The following PAPLN variants were observed in gnomAD, a reference collection of about 807,000 sequenced individuals.
PAPLN encodes papilin.
Under a neutral mutation model 159.0 loss-of-function variants are expected in PAPLN, and 146 were observed. The observed-to-expected ratio is 0.92, with a 90% CI of 0.80 to 1.05. The LOEUF (loss-of-function observed/expected upper bound fraction) is 1.05. Among genes scored for constraint, PAPLN ranks in the 50% least tolerant of loss-of-function variants. The pLI, the probability that PAPLN is intolerant of heterozygous loss-of-function variation, is 0.00. For synonymous variants in PAPLN, 734 were observed against 702.9 expected (o/e 1.04, Z -0.70); for missense variants, 1,720 against 1,743.9 (o/e 0.99, Z 0.24).
At chr14:73,251,993 C>T in intron 9 of PAPLN, 25 bp from the exon 10 acceptor site, 1 of 1,590,744 alleles carries the variant, frequency 6.3e-7, no homozygotes, top group African/African-American at 1.3e-5. Context: ...AGCAGCAGAC[C>T]CCAACAAGGA....
rs1304719963 is a variant in PAPLN at position 73,244,731 on chromosome 14, T to C, written c.142T>C (p.Phe48Leu). The C allele has an allele frequency of 6.3e-7, 1 of 1,583,216 alleles. No homozygotes were observed. The highest frequency in any genetic ancestry group is 2.3e-5 in the East Asian group (1 of 43,276). ...CSRTCGGGVS[F>L]RERPCYSQRR... is the part of the protein sequence containing the mutation. ...CCGGACCTGTGGAGGGGGTGTCAGC[T>C]TCCGGGAGCGCCCCTGCTACTCCCA... Residue 48 changes from phenylalanine to leucine, a missense_variant, in exon 3 of 27, where the codon TTC becomes CTC. By Grantham distance (22) the Phe-to-Leu change is conservative (BLOSUM62 0). Transcript: ENST00000644200.
At chr14:73,243,133 C>G (rs189492531) in intron 2 of PAPLN, 1 of 152,344 alleles carries the variant, frequency 6.6e-6, no homozygotes, top group East Asian at 1.9e-4. Flanking sequence ...GCTGGGATTA[C>G]GGGCACCCGC....
Position 73,259,337 on chromosome 14 carries a change from G to A in PAPLN, c.1777G>A (p.Gly593Ser). The stretch of plus-strand genomic sequence containing the variant: ...CAGGGGTGACCACAGGGGAGAACGA[G>A]GTGACCCCAGGGGCGACCAAGGCAC... ...SARGDHRGER[G>S]DPRGDQGTHL... is the part of the protein sequence containing the mutation. Residue 593 changes from glycine to serine, a missense_variant, in exon 16 of 27, where the codon GGT becomes AGT. Physicochemically the swap from Gly to Ser is moderately conservative, Grantham distance 56. Coordinates refer to ENST00000644200, the MANE Select transcript of PAPLN (RefSeq NM_001365906.3). The A allele has an allele frequency of 6.2e-7, 1 of 1,609,736 alleles. No homozygotes were observed. The highest frequency in any genetic ancestry group is 1.1e-5 in the South Asian group (1 of 90,438).
intron 26 of PAPLN, among the ~76,000 whole-genome samples, chr14:73,270,098 CGGGA>C (rs1173312695): frequency 6.6e-6 from 1 of 152,202 alleles, no homozygotes; most frequent in Non-Finnish European, 1.5e-5. Context: ...GCTCGGCGAG[CGGGA>C]GGGAGGGTTA....
intron 17 of PAPLN, 49 bp from the exon 18 acceptor site, chr14:73,261,107 C>T (rs749953019): frequency 1.2e-6 from 2 of 1,613,838 alleles, no homozygotes; most frequent in Non-Finnish European, 1.7e-6. Context: ...GAGTCCCCAA[C>T]AATGGCCAGA....
In PAPLN at chr14:73,264,364, C is replaced by T. The variant is rs747879217; in HGVS notation, c.2986+29C>T. The T allele has an allele frequency of 1.2e-5, 19 of 1,599,044 alleles. No individual in the cohort carries two copies. The African/African-American group carries it at 1.5e-4, about 12-fold the overall frequency. ...TCTGTCCCCACCCCATCCACCAGTGCGTTCTCAGGGGCCCGAGTGGGAAGG... is the reference window on the plus strand; with the variant it reads ...TCTGTCCCCACCCCATCCACCAGTGTGTTCTCAGGGGCCCGAGTGGGAAGG... On this transcript the variant is annotated intron_variant, in intron 21 of 26. Transcript: ENST00000644200.
chr14:73,240,254 G>A (rs1883394313), intron 2 of PAPLN, among the ~76,000 whole-genome samples: 3 of 151,958 alleles, frequency 2.0e-5, no homozygotes, highest in Admixed American at 2.0e-4. Flanking sequence ...GGTGCCAGTC[G>A]TTTCCATTCC....
rs141811407 is a variant in PAPLN, at chr14:73,272,653, A to T, written c.3826A>T (p.Ile1276Phe). 1,544 of 1,574,454 alleles carry T rather than the reference A, an allele frequency of 9.8e-4. 2 individuals are homozygous for T. Among genetic ancestry groups the T allele is most frequent in the Non-Finnish European group, 1.2e-3 (1,394 of 1,149,508 alleles). Residue 1276 changes from isoleucine (I) to phenylalanine (F), a missense_variant, in exon 27 of 27, where the codon ATC becomes TTC. By Grantham distance (21) the Ile-to-Phe change is conservative. Coordinates refer to ENST00000644200, the MANE Select transcript of PAPLN (RefSeq NM_001365906.3). ...ACGTTTCCAGCCTCACGCTCAGCCC[A>T]TCTGGCAGTAGGGATGAAGGCTAGT... ...CSRFQPHAQP[I>F]WQ
Position 73,262,671 on chromosome 14 carries a change from G to A in PAPLN, c.2567G>A (p.Gly856Asp). ...AVQRKPWPSG[G>D]LWRQDQQPGP... is the part of the protein sequence containing the mutation. ...CAGAGAAAGCCCTGGCCTTCTGGTG[G>A]TCTCTGGCGGCAAGACCAACAGCCT... is the stretch of plus-strand genomic sequence containing the variant. Residue 856 changes from glycine to aspartate, a missense_variant, in exon 19 of 27, where the codon GGT (glycine) becomes GAT (aspartate). Physicochemically the swap from Gly to Asp is moderately conservative, Grantham distance 94. Transcript: ENST00000644200. 3 of 1,505,358 alleles carry A rather than the reference G, an allele frequency of 2.0e-6. No homozygotes were observed. The highest frequency in any genetic ancestry group is 2.7e-6 in the Non-Finnish European group (3 of 1,125,492). The allele number at this position is 1,505,358 out of a possible 1,614,324, so 93.3% of individuals were successfully genotyped here. A position where few individuals can be genotyped will look rare whatever the true frequency, so the allele number is the denominator to read the frequency against.
At chr14:73,255,900 T>C (rs1355605381) in intron 14 of PAPLN, among the ~76,000 whole-genome samples, 1 of 152,242 alleles carries the variant, frequency 6.6e-6, no homozygotes, top group Non-Finnish European at 1.5e-5. Flanking sequence ...GCCCCACCTC[T>C]CTGATTCTCA....
chr14:73,272,095 T>A (rs1887787210), intron 26 of PAPLN: 1 of 157,638 alleles, frequency 6.3e-6, no homozygotes, highest in East Asian at 1.8e-4. Flanking sequence ...TAACTCAAAA[T>A]TTTACTTGGG....
intron 5 of PAPLN, chr14:73,246,745 C>A: frequency 6.6e-6 from 1 of 151,264 alleles, no homozygotes; most frequent in East Asian, 1.9e-4. Context: ...ATCCTTCCAC[C>A]TCAGCCTCCC....
At chr14:73,239,522 C>A in intron 1 of PAPLN, 1 of 549,590 alleles carries the variant, frequency 1.8e-6, no homozygotes, top group Non-Finnish European at 3.0e-6. Flanking sequence ...CTCTGGAACT[C>A]TGAAACAAGT....
At chr14:73,242,728 T>A (rs557710421) in intron 2 of PAPLN, 1 of 152,374 alleles carries the variant, frequency 6.6e-6, no homozygotes, top group East Asian at 1.9e-4. Flanking sequence ...GAGATTTTTG[T>A]CCAAGTTAGA....
intron 26 of PAPLN, among the ~76,000 whole-genome samples, chr14:73,269,136 T>C (rs112841763): frequency 1.8e-4 from 28 of 152,342 alleles, no homozygotes; most frequent in African/African-American, 6.3e-4. Context: ...GGCCACTTTA[T>C]GGCCGTTTGA....
intron 20 of PAPLN, 191 bp downstream of exon 20, chr14:73,263,973 C>T (rs188827363): frequency 5.1e-5 from 71 of 1,401,566 alleles, no homozygotes; most frequent in Non-Finnish European, 6.0e-5. Flanking sequence ...CCTCCTCTGA[C>T]AGGTGTGTGT....
Position 73,266,790 on chromosome 14 carries a change from G to T in PAPLN, c.3459G>T (p.Leu1153Phe), listed in dbSNP as rs2140305337. ...TVPEGDTARL[L>F]CVVAGESVNI... is the part of the protein sequence containing the mutation. ...CAGAGGGTGATACGGCCAGGCTATTGTGTGTGGTAGCAGGAGAAAGTGTGA... is the reference window on the plus strand; with the variant it reads ...CAGAGGGTGATACGGCCAGGCTATTTTGTGTGGTAGCAGGAGAAAGTGTGA... The change falls in exon 25 of 27, where the codon TTG becomes TTT. Residue 1153 changes from leucine to phenylalanine, a missense_variant. Physicochemically the swap from Leu to Phe is conservative, Grantham distance 22. Transcript: ENST00000644200. 1 of 1,613,868 alleles carries T rather than the reference G, an allele frequency of 6.2e-7. No homozygotes were observed. Among genetic ancestry groups the T allele is most frequent in the Non-Finnish European group, 8.5e-7 (1 of 1,179,876 alleles).
At position 73,260,712 on chromosome 14, in the gene PAPLN, C is replaced by T. The variant is rs756571275; in HGVS notation, c.1989C>T (p.Tyr663=). 73 of 1,462,542 alleles carry T rather than the reference C, an allele frequency of 5.0e-5. 1 individual carries two copies. The highest frequency in any genetic ancestry group is 5.0e-4 in the Middle Eastern group (2 of 3,982). 90.6% of individuals were successfully genotyped at this position (1,462,542 alleles called of 1,614,324 possible). The stretch of plus-strand genomic sequence containing the variant: ...GGGCTGTGTGATGTCTGCCTAGGTA[C>T]GGGTGCTGCCCTGACAGGGTATCTG... The part of the protein sequence containing the change: ...CPGAPCQQSR[Y]GCCPDRVSVA... The change falls in exon 17 of 27, where the codon TAC becomes TAT. Residue 663 remains tyrosine, a synonymous_variant. Coordinates refer to ENST00000644200, the MANE Select transcript of PAPLN (RefSeq NM_001365906.3).
At chr14:73,254,081 A>C in intron 12 of PAPLN, 120 bp downstream of exon 12, 1 of 1,156,084 alleles carries the variant, frequency 8.6e-7, no homozygotes. Flanking sequence ...CGGTCAGGTC[A>C]TCTTGGAAGC....
Sources: gnomAD v4.1 joint callset for allele counts (sites outside exome capture counted in the v4.1 genomes callset) on GRCh38, gnomAD v4.1.1 for gene constraint, MANE v1.5 for transcripts, NCBI Gene and HGNC (gene_info 2026-07-23, HGNC 2026-07-21) for gene names.